DPP10: variants seen among roughly 807,000 people sequenced by gnomAD.
DPP10 encodes dipeptidyl peptidase like 10.
In DPP10, 33 loss-of-function variants were observed where a neutral mutation model predicts 120.9. The observed-to-expected ratio is 0.27, with a 90% CI of 0.21 to 0.37. The LOEUF is 0.37. Ranked by LOEUF, DPP10 falls within the 10% of genes least tolerant of loss-of-function variation. The pLI is 1.00. For synonymous variants in DPP10, 337 were observed against 326.1 expected, an observed-to-expected ratio of 1.03 and a Z score of -0.36; for missense variants, 816 against 942.8, an observed-to-expected ratio of 0.87 and a Z score of 1.76.
At chr2:115,226,426 G>A (rs915554480) in intron 1 of DPP10, among the ~76,000 whole-genome samples, 53 of 152,114 alleles carry the variant, frequency 3.5e-4, no homozygotes, top group Admixed American at 2.0e-4. Flanking sequence ...CAGAAAAGTT[G>A]CCACTTAGTC....
chr2:115,065,339 G>C (rs964018019), intron 1 of DPP10, among the ~76,000 whole-genome samples: 3 of 152,098 alleles, frequency 2.0e-5, no homozygotes, highest in African/African-American at 7.2e-5. Context: ...ACTGGGAAGA[G>C]ATAAGGGAGT....
At chr2:115,009,436 G>T (rs1573284776) in intron 1 of DPP10, among the ~76,000 whole-genome samples, 1 of 152,034 alleles carries the variant, frequency 6.6e-6, no homozygotes, top group Non-Finnish European at 1.5e-5. Context: ...GTGGGGTGGG[G>T]GTTGGTGGGG....
intron 1 of DPP10, among the ~76,000 whole-genome samples, chr2:114,546,690 T>C (rs1687427137): frequency 6.6e-6 from 1 of 152,242 alleles, no homozygotes; most frequent in African/African-American, 2.4e-5. Context: ...CAAAGTGTTC[T>C]AGTTAATGAT....
At chr2:115,537,582 T>G (rs1225429086) in intron 5 of DPP10, among the ~76,000 whole-genome samples, 2 of 134,242 alleles carry the variant, frequency 1.5e-5, no homozygotes, top group African/African-American at 2.7e-5. Context: ...TTTTTTTTTC[T>G]CATGGATCTG....
chr2:115,330,330 A>G (rs1328841223), intron 2 of DPP10, among the ~76,000 whole-genome samples: 1 of 151,982 alleles, frequency 6.6e-6, no homozygotes, highest in Non-Finnish European at 1.5e-5. Flanking sequence ...GATTCTGGAT[A>G]TTAGCCCTTT....
At chr2:114,794,185 A>G (rs981702685) in intron 1 of DPP10, among the ~76,000 whole-genome samples, 3 of 152,178 alleles carry the variant, frequency 2.0e-5, no homozygotes, top group Non-Finnish European at 4.4e-5. Flanking sequence ...TGACTTGTCC[A>G]TGACTGGTAA....
chr2:115,135,975 T>C (rs1171474741), intron 1 of DPP10, among the ~76,000 whole-genome samples: 2 of 152,188 alleles, frequency 1.3e-5, no homozygotes, highest in Non-Finnish European at 2.9e-5. Context: ...CCTCCTATTG[T>C]CATTTAGAAT....
chr2:115,383,407 G>T (rs1245938980), intron 3 of DPP10, among the ~76,000 whole-genome samples: 2 of 152,194 alleles, frequency 1.3e-5, no homozygotes, highest in African/African-American at 2.4e-5. Context: ...CCAGCCATGT[G>T]GAACTGTGCA....
intron 3 of DPP10, among the ~76,000 whole-genome samples, chr2:115,369,183 T>C (rs1041918928): frequency 6.6e-6 from 1 of 152,054 alleles, no homozygotes; most frequent in East Asian, 1.9e-4. Flanking sequence ...CCAGACAGTG[T>C]GATTCATCTA....
chr2:115,518,460 C>T (rs1307362339), intron 4 of DPP10, among the ~76,000 whole-genome samples: 1 of 151,948 alleles, frequency 6.6e-6, no homozygotes, highest in African/African-American at 2.4e-5. Flanking sequence ...TACTATTTTT[C>T]TGTTTCTATT....
At chr2:115,406,744 CAA>C (rs2068538900) in intron 3 of DPP10, among the ~76,000 whole-genome samples, 1 of 151,760 alleles carries the variant, frequency 6.6e-6, no homozygotes, top group Non-Finnish European at 1.5e-5. Context: ...GAAAAGATAA[CAA>C]TTATAAAGGT....
At chr2:114,568,291 T>C (rs1302808604) in intron 1 of DPP10, among the ~76,000 whole-genome samples, 1 of 152,204 alleles carries the variant, frequency 6.6e-6, no homozygotes, top group East Asian at 1.9e-4. Flanking sequence ...ATTTATCATT[T>C]CTATATGTTG....
intron 3 of DPP10, among the ~76,000 whole-genome samples, chr2:115,388,997 T>C (rs1379687759): frequency 1.3e-5 from 2 of 152,148 alleles, no homozygotes; most frequent in Non-Finnish European, 2.9e-5. Context: ...ACACACAAGT[T>C]TTTAGCCTCT....
chr2:114,881,598 G>GTCTATCTATCTATCTA (rs58501993), intron 1 of DPP10, among the ~76,000 whole-genome samples: 1,822 of 141,136 alleles, frequency 0.013, 17 homozygotes, highest in Non-Finnish European at 0.017. Context: ...CTGTCTGTCT[G>GTCTATCTATCTATCTA]TCTATCTATC....
In DPP10 at chr2:115,381,662, G is replaced by T. The variant is rs548197316; in HGVS notation, c.271+37750G>T. Among the ~76,000 whole-genome samples the T allele has an allele frequency of 2.6e-5, 4 of 152,192 alleles. No homozygotes were observed. In the East Asian group the frequency reaches 7.8e-4, roughly 29 times the overall value. On this transcript the variant is annotated intron_variant, in intron 3 of 25. Transcript: ENST00000410059. ...TAGAGTTTCCAGTTTTTCTGCTCTG[G>T]TTTTTCCCCATCTTTGTGGTTTTAT...
intron 1 of DPP10, among the ~76,000 whole-genome samples, chr2:115,282,743 A>G (rs1415849710): frequency 6.6e-6 from 1 of 152,182 alleles, no homozygotes; most frequent in Non-Finnish European, 1.5e-5. Context: ...GAAATAGAAG[A>G]CAGTATCTAC....
At chr2:115,404,387 A>T (rs1196404461) in intron 3 of DPP10, among the ~76,000 whole-genome samples, 1 of 152,188 alleles carries the variant, frequency 6.6e-6, no homozygotes, top group Non-Finnish European at 1.5e-5. Flanking sequence ...ACCAGGCCCC[A>T]TCTCCAACAC....
At chr2:115,434,434 G>T (rs2071289804) in intron 3 of DPP10, among the ~76,000 whole-genome samples, 1 of 151,912 alleles carries the variant, frequency 6.6e-6, no homozygotes, top group African/African-American at 2.4e-5. Flanking sequence ...TTGAGAAACT[G>T]CCAGTGCAGG....
intron 21 of DPP10, among the ~76,000 whole-genome samples, chr2:115,826,557 C>T (rs1241878219): frequency 6.6e-6 from 1 of 151,954 alleles, no homozygotes; most frequent in Non-Finnish European, 1.5e-5. Flanking sequence ...ACCGTCTCTA[C>T]TAAAAATACA....
Sources: allele counts gnomAD v4.1 joint callset (sites outside exome capture counted in the v4.1 genomes callset), GRCh38; gene constraint gnomAD v4.1.1; transcripts MANE v1.5; gene names NCBI Gene and HGNC (gene_info 2026-07-23, HGNC 2026-07-21).